Variants in MTA3 observed in about 807,000 individuals in gnomAD.
MTA3 encodes metastasis-associated protein MTA3.
A neutral mutation model predicts 83.5 loss-of-function variants in MTA3; 34 were observed. The ratio of observed to expected loss-of-function variants is 0.41; its 90% CI spans 0.31 to 0.54. The LOEUF (loss-of-function observed/expected upper bound fraction) is 0.54, where lower values mean the gene tolerates loss of function less well. Among genes scored for constraint, MTA3 ranks in the 20% least tolerant of loss-of-function variants. MTA3 has a pLI of 0.33. For synonymous variants in MTA3, 303 were observed against 252.7 expected, an observed-to-expected ratio of 1.20 and a Z score of -1.89; for missense variants, 761 against 726.4, an observed-to-expected ratio of 1.05 and a Z score of -0.55.
At chr2:42,727,648 A>G (rs997343465) in intron 16 of MTA3, among the ~76,000 whole-genome samples, 1 of 152,162 alleles carries the variant, frequency 6.6e-6, no homozygotes, top group Non-Finnish European at 1.5e-5. Context: ...AGTTAGGATT[A>G]ATTGCTTACT....
At chr2:42,683,761 C>T (rs922592658) in intron 9 of MTA3, among the ~76,000 whole-genome samples, 4 of 151,992 alleles carry the variant, frequency 2.6e-5, no homozygotes, top group Admixed American at 1.3e-4. Flanking sequence ...GCTGATCTGA[C>T]GGGGCAGACC....
intron 6 of MTA3, among the ~76,000 whole-genome samples, chr2:42,651,701 G>C (rs1244327201): frequency 6.6e-6 from 1 of 151,970 alleles, no homozygotes; most frequent in Non-Finnish European, 1.5e-5. Flanking sequence ...GGGAGGCTGA[G>C]GCCGGAGAAT....
At chr2:42,659,517 T>G (rs1376253909) in intron 7 of MTA3, 2 of 197,754 alleles carry the variant, frequency 1.0e-5, no homozygotes, top group Non-Finnish European at 2.0e-5. Flanking sequence ...TTTTACCCCC[T>G]GCACAGGCTA....
At chr2:42,751,998 A>G (rs1005548311) in intron 16 of MTA3, among the ~76,000 whole-genome samples, 1 of 152,218 alleles carries the variant, frequency 6.6e-6, no homozygotes, top group African/African-American at 2.4e-5. Flanking sequence ...TAAGGTCTAC[A>G]TTCAAATCTT....
chr2:42,657,763 TAAAAAAA>T (rs60686385), intron 7 of MTA3, among the ~76,000 whole-genome samples: 1 of 127,530 alleles, frequency 7.8e-6, no homozygotes. Flanking sequence ...CCTCATCTCT[TAAAAAAA>T]AAAAAAAAAA....
At chr2:42,574,518 C>T (rs547733568) in intron 2 of MTA3, among the ~76,000 whole-genome samples, 57 of 152,234 alleles carry the variant, frequency 3.7e-4, no homozygotes, top group African/African-American at 1.3e-3. Context: ...CTCACTGCAA[C>T]CTCCTCCTCC....
At chr2:42,732,344 G>T (rs1184231208) in intron 16 of MTA3, among the ~76,000 whole-genome samples, 1 of 152,220 alleles carries the variant, frequency 6.6e-6, no homozygotes, top group Non-Finnish European at 1.5e-5. Context: ...TGTGGAAGCT[G>T]CCAAGGCTTG....
At chr2:42,665,169 G>T (rs569841444) in intron 8 of MTA3, among the ~76,000 whole-genome samples, 7 of 152,158 alleles carry the variant, frequency 4.6e-5, no homozygotes, top group Non-Finnish European at 1.0e-4. Flanking sequence ...GGAGGCCAAG[G>T]CAGGTGGGTC....
At chr2:42,529,519 G>A (rs1377320159) in intron 2 of MTA3, among the ~76,000 whole-genome samples, 1 of 152,146 alleles carries the variant, frequency 6.6e-6, no homozygotes, top group Non-Finnish European at 1.5e-5. Flanking sequence ...CTGTACCCTC[G>A]TTTTTATTTC....
intron 4 of MTA3, among the ~76,000 whole-genome samples, chr2:42,617,442 A>T (rs1685032048): frequency 1.3e-5 from 2 of 152,216 alleles, no homozygotes; most frequent in South Asian, 4.1e-4. Context: ...AAAGCAAGCA[A>T]ATGTTATCTT....
chr2:42,606,199 A>ACC (rs372470221), intron 3 of MTA3, among the ~76,000 whole-genome samples: 20 of 96,874 alleles, frequency 2.1e-4, no homozygotes, highest in African/African-American at 7.7e-4. Context: ...CGGGGGGCTG[A>ACC]CCCCCCCCCA....
intron 4 of MTA3, among the ~76,000 whole-genome samples, chr2:42,618,421 T>C (rs1159448077): frequency 6.6e-6 from 1 of 152,216 alleles, no homozygotes; most frequent in African/African-American, 2.4e-5. Flanking sequence ...ATATGTTCAT[T>C]TTGCTGTTAC....
upstream of MTA3, among the ~76,000 whole-genome samples, chr2:42,565,991 G>A (rs545707314): frequency 2.6e-5 from 4 of 152,196 alleles, no homozygotes; most frequent in Non-Finnish European, 4.4e-5. Flanking sequence ...CCTGGGCAGC[G>A]AGAGCGAAAC....
intron 3 of MTA3, among the ~76,000 whole-genome samples, chr2:42,603,854 C>T (rs1423292142): frequency 6.6e-6 from 1 of 152,048 alleles, no homozygotes; most frequent in African/African-American, 2.4e-5. Flanking sequence ...GGCTTCACGC[C>T]ATTCTCCTGC....
In MTA3 at chr2:42,695,762, CA is replaced by C. The variant is rs775387419; in HGVS notation, c.892-2del. ...ATGATAGGTTGATTTTTTTTTTTTT[CA>C]GCTTCCTTGGAAATCATTGACTAGC... On this transcript the variant is annotated splice_acceptor_variant, in intron 9 of 16. Coordinates refer to ENST00000405094, the MANE Select transcript of MTA3 (RefSeq NM_001330442.2). LOFTEE classifies it high-confidence loss of function. The C allele has an allele frequency of 7.6e-7, 1 of 1,318,626 alleles. No homozygotes were observed. The highest frequency in any genetic ancestry group is 1.5e-5 in the South Asian group (1 of 67,540). The allele number at this position is 1,318,626 out of a possible 1,614,324, so 81.7% of individuals were successfully genotyped here.
chr2:42,740,674 C>G (rs1014784854), intron 16 of MTA3, among the ~76,000 whole-genome samples: 1 of 152,224 alleles, frequency 6.6e-6, no homozygotes, highest in African/African-American at 2.4e-5. Context: ...AATGAGCAGT[C>G]ATATTTTGAT....
chr2:42,641,858 C>T (rs772481776), intron 5 of MTA3, among the ~76,000 whole-genome samples: 2 of 151,136 alleles, frequency 1.3e-5, no homozygotes, highest in Non-Finnish European at 2.9e-5. Context: ...CAGAGTGAGA[C>T]CTTGTCTTAA....
chr2:42,612,823 T>G (rs1262918249), intron 4 of MTA3, among the ~76,000 whole-genome samples: 1 of 152,118 alleles, frequency 6.6e-6, no homozygotes, highest in Admixed American at 6.6e-5. Flanking sequence ...ATCGCACTAC[T>G]GTACTCCAGC....
chr2:42,494,815 C>G (rs916461966), exon 1 of MTA3: 2 of 152,474 alleles, frequency 1.3e-5, no homozygotes, highest in African/African-American at 2.4e-5. Context: ...CCCGCGCACC[C>G]CTGACCCGGC....
Sources: gnomAD v4.1 joint callset for allele counts (sites outside exome capture counted in the v4.1 genomes callset) on GRCh38, gnomAD v4.1.1 for gene constraint, MANE v1.5 for transcripts, NCBI Gene and HGNC (gene_info 2026-07-23, HGNC 2026-07-21) for gene names.